The following MAP3K13 variants were observed in gnomAD, a reference collection of about 807,000 sequenced individuals.
MAP3K13 encodes leucine zipper-bearing kinase.
In MAP3K13, 52 loss-of-function variants were observed where a neutral mutation model predicts 104.0. That is an observed-to-expected ratio of 0.50 (90% CI 0.40 to 0.63). The LOEUF is 0.63. Ranked by LOEUF, MAP3K13 falls within the 20% of genes least tolerant of loss-of-function variation. The pLI, the probability that MAP3K13 is intolerant of heterozygous loss-of-function variation, is 0.00. For missense variants in MAP3K13, 914 were observed against 1,218.5 expected (o/e 0.75, Z 3.72); for synonymous variants, 394 against 442.2 (o/e 0.89, Z 1.37).
chr3:185,300,781 C>T (rs999606135), intron 2 of MAP3K13, among the ~76,000 whole-genome samples: 14 of 152,218 alleles, frequency 9.2e-5, no homozygotes, highest in Non-Finnish European at 1.5e-4. Flanking sequence ...CATGAGCCAC[C>T]ACGCCTGGCC....
At chr3:185,357,196 G>A (rs1375379301) in intron 2 of MAP3K13, among the ~76,000 whole-genome samples, 1 of 151,626 alleles carries the variant, frequency 6.6e-6, no homozygotes, top group East Asian at 1.9e-4. Context: ...CGTAATCCCA[G>A]CACTTTGGGA....
At chr3:185,455,762 GATATATATATGATATATATATGAGAT>G (rs1560120749) in intron 7 of MAP3K13, among the ~76,000 whole-genome samples, 1 of 57,530 alleles carries the variant, frequency 1.7e-5, no homozygotes, top group African/African-American at 6.7e-5. Context: ...ATATATATGA[GATATATATATGATATATATATGAGAT>G]ATATATATGA....
intron 2 of MAP3K13, among the ~76,000 whole-genome samples, chr3:185,325,913 C>T: frequency 6.6e-6 from 1 of 152,206 alleles, no homozygotes; most frequent in East Asian, 1.9e-4. Context: ...TGCCTCTGAA[C>T]CTTTACATTG....
intron 2 of MAP3K13, among the ~76,000 whole-genome samples, chr3:185,302,793 T>C (rs1721154783): frequency 1.3e-5 from 2 of 152,250 alleles, no homozygotes. Flanking sequence ...GAGATAATTT[T>C]ACTTCTTTCT....
chr3:185,444,692 G>T (rs1216284525), intron 4 of MAP3K13, among the ~76,000 whole-genome samples: 1 of 152,170 alleles, frequency 6.6e-6, no homozygotes, highest in African/African-American at 2.4e-5. Flanking sequence ...ATTTATTTCA[G>T]TATAACTCCT....
chr3:185,294,969 G>A (rs1256132452), intron 2 of MAP3K13, among the ~76,000 whole-genome samples: 1 of 151,954 alleles, frequency 6.6e-6, no homozygotes, highest in Non-Finnish European at 1.5e-5. Context: ...CTCTTCAATG[G>A]TTTTTTGTAT....
In MAP3K13 at chr3:185,343,604, CACCA is replaced by C. The variant is rs557900201; in HGVS notation, c.-86+57962_-86+57965del. Among the ~76,000 whole-genome samples the C allele has an allele frequency of 3.4e-4, 52 of 152,194 alleles. No homozygotes were observed. In the East Asian group the frequency reaches 8.1e-3, roughly 24 times the overall value. Reference sequence around the variant, plus strand: ...AATAGCTGGGACTACAGGCACGTGCCACCATGCCCAGCTAGTTTTGGTATTTTTA... The same window carrying C: ...AATAGCTGGGACTACAGGCACGTGCCTGCCCAGCTAGTTTTGGTATTTTTA... On this transcript the variant is annotated intron_variant, in intron 2 of 14. Transcript: ENST00000424227.
chr3:185,351,322 C>G (rs567814531), intron 2 of MAP3K13, among the ~76,000 whole-genome samples: 7 of 152,276 alleles, frequency 4.6e-5, no homozygotes, highest in Admixed American at 3.9e-4. Context: ...TATAACAAAC[C>G]TGCACATATA....
intron 2 of MAP3K13, among the ~76,000 whole-genome samples, chr3:185,294,808 A>G (rs1420362739): frequency 6.6e-6 from 1 of 152,236 alleles, no homozygotes; most frequent in Non-Finnish European, 1.5e-5. Flanking sequence ...AAGCAACTTC[A>G]GCTATCCCTG....
At chr3:185,348,627 A>C (rs1723021014) in intron 2 of MAP3K13, among the ~76,000 whole-genome samples, 1 of 152,140 alleles carries the variant, frequency 6.6e-6, no homozygotes, top group Admixed American at 6.5e-5. Context: ...AGTGGCTATA[A>C]GATAGGCCTG....
At chr3:185,396,063 T>C (rs750973214) in intron 1 of MAP3K13, among the ~76,000 whole-genome samples, 8 of 152,092 alleles carry the variant, frequency 5.3e-5, no homozygotes, top group African/African-American at 9.7e-5. Flanking sequence ...TATACAAATA[T>C]ACTGAAATCA....
Position 185,380,181 on chromosome 3 carries a change from G to A in MAP3K13, c.-86+16813G>A, listed in dbSNP as rs923049999. 8.9e-5 allele frequency among the ~76,000 whole-genome samples: 10 copies of A among 111,764 alleles called. No homozygotes were observed. The South Asian group carries it at 1.2e-3, about 13-fold the overall frequency. The allele number at this position is 111,764 out of a possible 152,430, so 73.3% of individuals were successfully genotyped here. On this transcript the variant is annotated intron_variant, in intron 1 of 13. Transcript: ENST00000265026. ...AGCCTAGGCGACAAAGTGAGGCTCC[G>A]TCTCAAAAAACAAAACAAAACAAAA...
chr3:185,285,070 T>C (rs960028329), intron 1 of MAP3K13, among the ~76,000 whole-genome samples: 1 of 152,058 alleles, frequency 6.6e-6, no homozygotes, highest in East Asian at 1.9e-4. Context: ...AAGATGAAAC[T>C]CGTAAGCATT....
intron 1 of MAP3K13, among the ~76,000 whole-genome samples, chr3:185,370,152 C>G (rs988557010): frequency 1.3e-5 from 2 of 152,148 alleles, no homozygotes; most frequent in Non-Finnish European, 2.9e-5. Flanking sequence ...CTAAGGCAAT[C>G]TGGCTAAAAT....
chr3:185,447,364 G>GC (rs1715645863), intron 4 of MAP3K13, among the ~76,000 whole-genome samples: 1 of 151,606 alleles, frequency 6.6e-6, no homozygotes, highest in African/African-American at 2.4e-5. Context: ...GGTGGCAGGT[G>GC]CCTGTAATTG....
rs537203064 is a variant in MAP3K13 at position 185,283,825 on chromosome 3, G to C, written c.-205+798G>C. Reference sequence around the variant, plus strand: ...GTTGGACCGTTGTAAATAAACTGCTGTTGTAGCACTGACTGTTCTTAATGC... The same window carrying C: ...GTTGGACCGTTGTAAATAAACTGCTCTTGTAGCACTGACTGTTCTTAATGC... On this transcript the variant is annotated intron_variant, in intron 1 of 14. Transcript: ENST00000424227. Among the ~76,000 whole-genome samples the C allele has an allele frequency of 6.6e-5, 10 of 151,672 alleles. No homozygotes were observed. The South Asian group carries it at 1.7e-3, about 25-fold the overall frequency.
chr3:185,302,141 G>A (rs922809118), intron 2 of MAP3K13, among the ~76,000 whole-genome samples: 1 of 151,882 alleles, frequency 6.6e-6, no homozygotes, highest in Admixed American at 6.6e-5. Context: ...AGTGGCTTAC[G>A]CCTGTAATCC....
At chr3:185,395,357 CTT>C (rs770336517) in intron 1 of MAP3K13, among the ~76,000 whole-genome samples, 1,521 of 69,942 alleles carry the variant, frequency 0.022, 51 homozygotes, top group African/African-American at 0.098. Flanking sequence ...AATATTATTT[CTT>C]TTTTTTTTTT....
chr3:185,344,662 G>A (rs752023933), intron 2 of MAP3K13, among the ~76,000 whole-genome samples: 20 of 152,016 alleles, frequency 1.3e-4, no homozygotes, highest in African/African-American at 4.1e-4. Flanking sequence ...CGCCTTAATC[G>A]TATTTTCAGC....
Sources: allele counts gnomAD v4.1 joint callset (sites outside exome capture counted in the v4.1 genomes callset), GRCh38; gene constraint gnomAD v4.1.1; transcripts MANE v1.5; gene names NCBI Gene and HGNC (gene_info 2026-07-23, HGNC 2026-07-21).